Variants in USP24 observed in about 807,000 individuals in gnomAD.
USP24 encodes the protein ubiquitin specific peptidase 24, also known as ubiquitin carboxyl-terminal hydrolase 24.
A neutral mutation model predicts 361.6 loss-of-function variants in USP24; 97 were observed. The ratio of observed to expected loss-of-function variants is 0.27; its 90% CI spans 0.23 to 0.32. USP24 has a LOEUF of 0.32. Ranked by LOEUF, USP24 falls within the 10% of genes least tolerant of loss-of-function variation. The probability of loss-of-function intolerance (pLI) is 1.00; values close to 1 mark genes in which losing one functional copy is unlikely to be tolerated. For synonymous variants in USP24, 1,098 were observed against 1,124.6 expected (o/e 0.98, Z 0.47); for missense variants, 2,353 against 3,165.6 (o/e 0.74, Z 6.16).
chr1:55,132,435 AAT>A (rs1646619762), intron 31 of USP24, 108 bp downstream of exon 31: 6 of 1,289,836 alleles, frequency 4.7e-6, no homozygotes, highest in Non-Finnish European at 6.3e-6. Context: ...ATTTTCAACC[AAT>A]CATCACATAA....
intron 36 of USP24, 45 bp from the exon 37 acceptor site, chr1:55,121,551 G>A: frequency 2.0e-6 from 3 of 1,524,640 alleles, no homozygotes; most frequent in Admixed American, 3.7e-5. Context: ...AACAAGTTAG[G>A]TAATGCATTT....
chr1:55,124,380 A>G (rs1462916603), intron 35 of USP24, 89 bp downstream of exon 35: 13 of 1,474,386 alleles, frequency 8.8e-6, no homozygotes, highest in Non-Finnish European at 1.1e-5. Context: ...AGGGTCTCCC[A>G]TTTTTGTGAC....
chr1:55,177,845 AAGACT>A, intron 2 of USP24, 117 bp downstream of exon 2: 1 of 902,418 alleles, frequency 1.1e-6, no homozygotes, highest in Non-Finnish European at 1.6e-6. Flanking sequence ...GAGATAAGTG[AAGACT>A]AAGAGAATAA....
intron 42 of USP24, among the ~76,000 whole-genome samples, chr1:55,103,227 C>T (rs1401257502): frequency 6.6e-6 from 1 of 152,194 alleles, no homozygotes; most frequent in Non-Finnish European, 1.5e-5. Flanking sequence ...CCTTGCTTCA[C>T]CTGGTTCACT....
intron 1 of USP24, among the ~76,000 whole-genome samples, chr1:55,189,789 G>GA (rs1644237491): frequency 6.6e-6 from 1 of 151,860 alleles, no homozygotes; most frequent in Admixed American, 6.6e-5. Flanking sequence ...ATATATCTAA[G>GA]AACTGCAAAA....
At chr1:55,196,095 CA>C (rs1405013056) in intron 1 of USP24, among the ~76,000 whole-genome samples, 1 of 152,116 alleles carries the variant, frequency 6.6e-6, no homozygotes, top group Admixed American at 6.5e-5. Context: ...TCTCAGTTCT[CA>C]TCTTACCGGA....
chr1:55,170,991 T>C (rs1025140044), intron 5 of USP24, among the ~76,000 whole-genome samples: 4 of 152,218 alleles, frequency 2.6e-5, no homozygotes, highest in African/African-American at 9.6e-5. Flanking sequence ...CAGTTTTCTA[T>C]TGATTAAACT....
At chr1:55,183,947 C>T (rs77346740) in intron 1 of USP24, among the ~76,000 whole-genome samples, 1 of 152,080 alleles carries the variant, frequency 6.6e-6, no homozygotes, top group Non-Finnish European at 1.5e-5. Context: ...AATATATACC[C>T]TAAAAGCAAT....
At chr1:55,106,429 G>A (rs1017436098) in intron 40 of USP24, among the ~76,000 whole-genome samples, 166 bp from the exon 41 acceptor site, 2 of 152,178 alleles carry the variant, frequency 1.3e-5, no homozygotes, top group Non-Finnish European at 2.9e-5. Context: ...ACATGGCAAA[G>A]CTTGTGGGGT....
rs373590745 is a variant in USP24, at chr1:55,075,339, T to C, written c.7447+118A>G. On this transcript the variant is annotated intron_variant, in intron 63 of 67. Transcript: ENST00000294383. ...GGAGCCCAGTGGCCCTGACCAGACT[T>C]CTACTGTATCAGTCACTGTAGATCC... is the stretch of plus-strand genomic sequence containing the variant. The C allele has an allele frequency of 1.6e-3, 1,555 of 973,824 alleles. 32 individuals are homozygous for C. The South Asian group carries it at 0.023, about 14-fold the overall frequency. The allele number at this position is 973,824 out of a possible 1,614,324, so 60.3% of individuals were successfully genotyped here. A position where few individuals can be genotyped will look rare whatever the true frequency, so the allele number is the denominator to read the frequency against.
At chr1:55,142,714 G>A (rs1646924136) in intron 23 of USP24, 28 bp downstream of exon 23, 2 of 1,410,892 alleles carry the variant, frequency 1.4e-6, no homozygotes, top group Non-Finnish European at 1.9e-6. Context: ...TTACCTCAAA[G>A]AGATGTTAAA....
intron 7 of USP24, among the ~76,000 whole-genome samples, chr1:55,163,531 G>A (rs1648510799): frequency 1.3e-5 from 2 of 151,852 alleles, no homozygotes; most frequent in Non-Finnish European, 2.9e-5. Flanking sequence ...AGAAATCAGA[G>A]TATTACATAT....
Position 55,098,011 on chromosome 1 carries a change from C to T in USP24, c.5527G>A (p.Asp1843Asn). 6.2e-7 allele frequency: 1 copy of T among 1,613,566 alleles called. No homozygotes were observed. The change falls in exon 47 of 68, where the codon GAC becomes AAC. Residue 1843 changes from aspartate to asparagine, a missense_variant. Asp to Asn is a conservative substitution (Grantham distance 23). Coordinates refer to ENST00000294383, the MANE Select transcript of USP24 (RefSeq NM_015306.3). The stretch of plus-strand genomic sequence containing the variant: ...AGAACTTCTCCTCTAACAAATTGGT[C>T]CAAAGAAATTTCCAAACTCTGACAA... ...TSCQSLEISL[D>N]QFVRGEVLEG...
intron 3 of USP24, among the ~76,000 whole-genome samples, chr1:55,175,201 CTT>C (rs1175682089): frequency 7.0e-6 from 1 of 143,086 alleles, no homozygotes; most frequent in Non-Finnish European, 1.5e-5. Context: ...CAAATGAACT[CTT>C]TGTTTTACTG....
At position 55,137,701 on chromosome 1, in the gene USP24, G is replaced by T. The variant is rs1646776961; in HGVS notation, c.3028-13C>A. On this transcript the variant is annotated splice_polypyrimidine_tract_variant and intron_variant, in intron 27 of 67. Transcript: ENST00000294383. Reference sequence around the variant, plus strand: ...TATTCACTGTCAGCTGCAAAAAGTGGTTTCTTAATTATTGAGAGGAAAAGG... The same window carrying T: ...TATTCACTGTCAGCTGCAAAAAGTGTTTTCTTAATTATTGAGAGGAAAAGG... 1.2e-6 allele frequency: 2 copies of T among 1,607,016 alleles called. No individual in the cohort carries two copies. Among genetic ancestry groups the T allele is most frequent in the Non-Finnish European group, 8.5e-7 (1 of 1,176,886 alleles).
chr1:55,171,241 T>C (rs1278922063), intron 5 of USP24, among the ~76,000 whole-genome samples: 1 of 152,208 alleles, frequency 6.6e-6, no homozygotes, highest in Admixed American at 6.5e-5. Flanking sequence ...TGCTATAGTC[T>C]CTCAACTCTC....
Position 55,097,647 on chromosome 1 carries a change from C to A in USP24, c.5666G>T (p.Gly1889Val). 2 of 1,589,196 alleles carry A rather than the reference C, an allele frequency of 1.3e-6. No individual in the cohort carries two copies. The highest frequency in any genetic ancestry group is 1.7e-6 in the Non-Finnish European group (2 of 1,166,532). The change falls in exon 48 of 68, where the codon GGG becomes GTG. Residue 1889 changes from glycine (G) to valine (V), a missense_variant. Physicochemically the swap from Gly to Val is moderately radical, Grantham distance 109 (BLOSUM62 -3). This residue lies in a region of USP24 where 105 missense variants were observed against 200.3 expected (regional missense o/e 0.52). Transcript: ENST00000294383. The part of the protein sequence containing the change: ...SVLVIHLMRF[G>V]FDWESGRSIK... ...GGAGCGTCCGCTTTCCCAGTCAAAC[C>A]CAAATCTCATTAGGTGAATTACCAA... is the stretch of plus-strand genomic sequence containing the variant.
intron 32 of USP24, among the ~76,000 whole-genome samples, chr1:55,126,227 C>T (rs1646424146): frequency 6.6e-6 from 1 of 152,246 alleles, no homozygotes; most frequent in Admixed American, 6.5e-5. Context: ...CACTGGCCTC[C>T]TGTGGCCTCT....
intron 55 of USP24, among the ~76,000 whole-genome samples, chr1:55,086,940 A>G (rs1468705912): frequency 6.6e-6 from 1 of 152,222 alleles, no homozygotes; most frequent in East Asian, 1.9e-4. Context: ...TTAAAAATGT[A>G]AAGTATCCTT....
Sources: gnomAD v4.1 joint callset for allele counts (sites outside exome capture counted in the v4.1 genomes callset) on GRCh38, gnomAD v4.1.1 for gene constraint, gnomAD v4.1.1 regional missense constraint, MANE v1.5 for transcripts, NCBI Gene and HGNC (gene_info 2026-07-23, HGNC 2026-07-21) for gene names.